TENM3: variants seen among roughly 807,000 people sequenced by gnomAD.
The protein encoded by TENM3 is teneurin-3.
In TENM3, 63 loss-of-function variants were observed where a neutral mutation model predicts 255.1. That is an observed-to-expected ratio of 0.25 (90% CI 0.20 to 0.30). The LOEUF (loss-of-function observed/expected upper bound fraction) is 0.30, where lower values mean the gene tolerates loss of function less well. Among genes scored for constraint, TENM3 ranks in the 10% least tolerant of loss-of-function variants. The pLI is 1.00. For missense variants in TENM3, 2,929 were observed against 3,461.1 expected (o/e 0.85, Z 3.86); for synonymous variants, 1,306 against 1,322.3 (o/e 0.99, Z 0.27).
At chr4:182,321,194 ACT>A (rs1763026741) in intron 1 of TENM3, among the ~76,000 whole-genome samples, 1 of 152,116 alleles carries the variant, frequency 6.6e-6, no homozygotes, top group Non-Finnish European at 1.5e-5. Flanking sequence ...ATATTTATTC[ACT>A]CTGTCAGAAA....
In TENM3 at chr4:182,751,807, C is replaced by T. The variant is rs1762391827; in HGVS notation, c.3637C>T (p.Pro1213Ser). 2 of 1,612,902 alleles carry T rather than the reference C, an allele frequency of 1.2e-6. No homozygotes were observed. The highest frequency in any genetic ancestry group is 1.7e-6 in the Non-Finnish European group (2 of 1,178,982). The change falls in exon 20 of 28, where the codon CCA becomes TCA. Residue 1213 changes from proline (P) to serine (S), a missense_variant. Around this residue, in one of 6 missense-constraint regions of TENM3, gnomAD observed 1,608 missense variants for 1,884.4 expected, o/e 0.85. Coordinates refer to ENST00000511685, the MANE Select transcript of TENM3 (RefSeq NM_001080477.4). ...VTSVLELSSNPAHRYYLATDP... is the reference protein window; with the variant it reads ...VTSVLELSSNSAHRYYLATDP... Reference sequence around the variant, plus strand: ...CTATGATCCTTTTCACAGCAGCAACCCAGCTCATAGATACTACCTTGCAAC... The same window carrying T: ...CTATGATCCTTTTCACAGCAGCAACTCAGCTCATAGATACTACCTTGCAAC...
At chr4:181,720,345 A>T in the TENM3 span, among the ~76,000 whole-genome samples, 1 of 152,142 alleles carries the variant, frequency 6.6e-6, no homozygotes, top group East Asian at 1.9e-4. Flanking sequence ...TTCTCCCAAG[A>T]TATTCCTATT....
intron 1 of TENM3, among the ~76,000 whole-genome samples, chr4:182,161,813 A>ATATT (rs1352503380): frequency 2.3e-5 from 1 of 43,214 alleles, no homozygotes; most frequent in African/African-American, 9.3e-5. Flanking sequence ...ACACATATAT[A>ATATT]TGTATATATA....
At chr4:181,883,463 C>T in the TENM3 span, among the ~76,000 whole-genome samples, 1 of 152,098 alleles carries the variant, frequency 6.6e-6, no homozygotes, top group African/African-American at 2.4e-5. Context: ...GAATTGGAGG[C>T]AATGTACAAT....
intron 1 of TENM3, among the ~76,000 whole-genome samples, chr4:182,260,197 A>C (rs1052467793): frequency 6.6e-6 from 1 of 152,196 alleles, no homozygotes; most frequent in Admixed American, 6.5e-5. Flanking sequence ...TGGGATAAAC[A>C]TGGGAGCACA....
chr4:182,102,876 G>T, the TENM3 span, among the ~76,000 whole-genome samples: 1 of 152,116 alleles, frequency 6.6e-6, no homozygotes, highest in Non-Finnish European at 1.5e-5. Flanking sequence ...ACTGTACTTA[G>T]GAGTGCATCT....
At chr4:182,237,844 T>C (rs572607858) in intron 1 of TENM3, among the ~76,000 whole-genome samples, 1 of 152,328 alleles carries the variant, frequency 6.6e-6, no homozygotes, top group South Asian at 2.1e-4. Flanking sequence ...ATTCTGTTTT[T>C]ATTGCTTTCT....
At chr4:182,465,912 A>T (rs1732542428) in intron 3 of TENM3, among the ~76,000 whole-genome samples, 1 of 152,070 alleles carries the variant, frequency 6.6e-6, no homozygotes, top group Non-Finnish European at 1.5e-5. Flanking sequence ...GTTTTCTTCT[A>T]TTTTTTTAAT....
At chr4:182,285,347 C>T (rs1020852750) in intron 1 of TENM3, among the ~76,000 whole-genome samples, 19 of 151,858 alleles carry the variant, frequency 1.3e-4, no homozygotes, top group African/African-American at 4.1e-4. Flanking sequence ...ATGTTTTCTG[C>T]GTCTGTTTCT....
chr4:182,713,548 A>T (rs560308283), intron 12 of TENM3, among the ~76,000 whole-genome samples: 2 of 152,194 alleles, frequency 1.3e-5, no homozygotes, highest in Non-Finnish European at 2.9e-5. Flanking sequence ...ATTTCACATG[A>T]ATGTACGGCA....
chr4:182,787,999 T>G (rs1242302217), intron 24 of TENM3, among the ~76,000 whole-genome samples: 1 of 152,216 alleles, frequency 6.6e-6, no homozygotes, highest in Non-Finnish European at 1.5e-5. Flanking sequence ...ATTTTACAAA[T>G]ATATATGATG....
At chr4:181,459,973 T>C in the TENM3 span, among the ~76,000 whole-genome samples, 31 of 151,952 alleles carry the variant, frequency 2.0e-4, no homozygotes, top group Non-Finnish European at 8.8e-5. Flanking sequence ...TTCACTTACC[T>C]CTCTTCACTT....
chr4:182,578,662 C>A (rs1745180976), intron 3 of TENM3, among the ~76,000 whole-genome samples: 1 of 152,134 alleles, frequency 6.6e-6, no homozygotes. Flanking sequence ...GGCCCTTGTA[C>A]TCTGGAAGAG....
At chr4:182,068,136 T>C in the TENM3 span, among the ~76,000 whole-genome samples, 1 of 152,132 alleles carries the variant, frequency 6.6e-6, no homozygotes, top group Non-Finnish European at 1.5e-5. Flanking sequence ...AGAGTGATGA[T>C]TTGAATGTTA....
At chr4:181,941,491 TA>T in the TENM3 span, among the ~76,000 whole-genome samples, 7 of 152,210 alleles carry the variant, frequency 4.6e-5, no homozygotes, top group East Asian at 3.8e-4. Context: ...TTTTCACTTA[TA>T]AGGTTCTATT....
At chr4:182,590,550 A>G (rs1378423321) in intron 3 of TENM3, among the ~76,000 whole-genome samples, 1 of 148,864 alleles carries the variant, frequency 6.7e-6, no homozygotes, top group Non-Finnish European at 1.5e-5. Context: ...AAAAAAAAAA[A>G]AAAAAAAAAA....
At chr4:182,373,346 T>C (rs573377213) in intron 3 of TENM3, among the ~76,000 whole-genome samples, 1 of 152,184 alleles carries the variant, frequency 6.6e-6, no homozygotes, top group Non-Finnish European at 1.5e-5. Context: ...AGGAAGTACC[T>C]GAGGCTGGGT....
the TENM3 span, among the ~76,000 whole-genome samples, chr4:181,832,515 T>C: frequency 6.6e-6 from 1 of 152,120 alleles, no homozygotes; most frequent in Non-Finnish European, 1.5e-5. Context: ...TCCTCTTAGC[T>C]CTCTCCACCT....
intron 1 of TENM3, among the ~76,000 whole-genome samples, chr4:182,287,619 A>T (rs1306541771): frequency 6.6e-6 from 1 of 151,422 alleles, no homozygotes; most frequent in African/African-American, 2.4e-5. Context: ...TTGTTTATTT[A>T]TTTATTTTTT....
Sources: gnomAD v4.1 joint callset for allele counts (sites outside exome capture counted in the v4.1 genomes callset) on GRCh38, gnomAD v4.1.1 for gene constraint, gnomAD v4.1.1 regional missense constraint, MANE v1.5 for transcripts, NCBI Gene and HGNC (gene_info 2026-07-23, HGNC 2026-07-21) for gene names.